The following CDH18 variants were observed in gnomAD, a reference collection of about 807,000 sequenced individuals.
CDH18 encodes the protein cadherin-18.
CDH18 carries 31 observed loss-of-function variants against 67.9 expected under a neutral mutation model. That is an observed-to-expected ratio of 0.46 (90% CI 0.34 to 0.62). The LOEUF is 0.62. CDH18 is among the 20% of genes least tolerant of loss of function. The pLI is 0.01. For missense variants in CDH18, 890 were observed against 975.5 expected (o/e 0.91, Z 1.17); for synonymous variants, 362 against 347.2 (o/e 1.04, Z -0.48).
At chr5:19,508,054 C>G (rs766940359) in intron 10 of CDH18, among the ~76,000 whole-genome samples, 68 of 140,222 alleles carry the variant, frequency 4.8e-4, no homozygotes, top group Non-Finnish European at 8.7e-4. Context: ...AATCGTATTT[C>G]TGAAAAAAAA....
chr5:19,832,618 A>G (rs1309919037), intron 3 of CDH18, among the ~76,000 whole-genome samples: 1 of 152,040 alleles, frequency 6.6e-6, no homozygotes, highest in East Asian at 1.9e-4. Context: ...TATGTCCTAT[A>G]TGGTATTGCT....
At chr5:19,632,699 TATTTC>T (rs1752581168) in intron 5 of CDH18, among the ~76,000 whole-genome samples, 1 of 152,236 alleles carries the variant, frequency 6.6e-6, no homozygotes, top group African/African-American at 2.4e-5. Context: ...TTTTTGCAAA[TATTTC>T]ATTTAATTAT....
At chr5:20,286,175 T>G (rs1746682023) in intron 1 of CDH18, among the ~76,000 whole-genome samples, 1 of 151,504 alleles carries the variant, frequency 6.6e-6, no homozygotes, top group East Asian at 1.9e-4. Context: ...TAAATAGGAT[T>G]TCAATGGATT....
At chr5:19,721,506 T>C in intron 4 of CDH18, 40 bp from the exon 5 acceptor site, 2 of 1,584,374 alleles carry the variant, frequency 1.3e-6, no homozygotes, top group Non-Finnish European at 1.7e-6. Context: ...TGTGATGGCA[T>C]TTAGCATATG....
intron 2 of CDH18, among the ~76,000 whole-genome samples, chr5:20,049,836 G>C (rs1267630057): frequency 1.3e-5 from 2 of 151,724 alleles, no homozygotes; most frequent in Non-Finnish European, 3.0e-5. Flanking sequence ...AAGAGAACTG[G>C]ACAGGAAGCC....
At chr5:19,824,418 C>T (rs1780202773) in intron 3 of CDH18, among the ~76,000 whole-genome samples, 1 of 152,082 alleles carries the variant, frequency 6.6e-6, no homozygotes, top group Non-Finnish European at 1.5e-5. Context: ...TCGAGAGCTC[C>T]TAGGGGATTC....
At chr5:20,447,959 T>C (rs982647533) in intron 1 of CDH18, among the ~76,000 whole-genome samples, 1 of 152,116 alleles carries the variant, frequency 6.6e-6, no homozygotes, top group African/African-American at 2.4e-5. Flanking sequence ...ACGTGCAGGT[T>C]TGTTACATAT....
intron 2 of CDH18, among the ~76,000 whole-genome samples, chr5:20,241,147 T>C (rs4866175): frequency 0.12 from 18,605 of 152,202 alleles, 1,526 homozygotes; most frequent in African/African-American, 0.23. Flanking sequence ...AAGTGTCTTA[T>C]TTATGGAATT....
intron 5 of CDH18, among the ~76,000 whole-genome samples, chr5:19,717,779 T>C (rs59277639): frequency 0.21 from 31,528 of 151,934 alleles, 3,791 homozygotes; most frequent in Non-Finnish European, 0.26. Flanking sequence ...GATAGTAAAA[T>C]GTTTTCTTTA....
chr5:19,923,398 T>G (rs900558380), intron 2 of CDH18, among the ~76,000 whole-genome samples: 2 of 152,180 alleles, frequency 1.3e-5, no homozygotes, highest in African/African-American at 2.4e-5. Flanking sequence ...AAATAAAAGT[T>G]GTTGCTTGAT....
intron 5 of CDH18, among the ~76,000 whole-genome samples, chr5:19,632,997 G>T (rs1327643688): frequency 6.6e-6 from 1 of 152,182 alleles, no homozygotes; most frequent in African/African-American, 2.4e-5. Context: ...CAGTGTGGTG[G>T]TGTGAGTAGT....
At chr5:20,508,323 T>TTTTATA (rs1754777257) in intron 1 of CDH18, among the ~76,000 whole-genome samples, 1 of 111,186 alleles carries the variant, frequency 9.0e-6, no homozygotes, top group Admixed American at 1.0e-4. Flanking sequence ...ATGACTATGA[T>TTTTATA]TATATATATA....
chr5:19,925,598 C>A (rs1296033193), intron 2 of CDH18, among the ~76,000 whole-genome samples: 2 of 151,980 alleles, frequency 1.3e-5, no homozygotes, highest in Non-Finnish European at 2.9e-5. Flanking sequence ...AAGCGATTCT[C>A]TGCCTCAGCC....
intron 1 of CDH18, among the ~76,000 whole-genome samples, chr5:20,420,211 T>A (rs1747754236): frequency 6.6e-6 from 1 of 151,230 alleles, no homozygotes. Flanking sequence ...ACAGCCTTGT[T>A]AATACGCCAA....
intron 1 of CDH18, among the ~76,000 whole-genome samples, chr5:20,476,241 AG>A (rs1752433428): frequency 6.6e-6 from 1 of 152,158 alleles, no homozygotes; most frequent in African/African-American, 2.4e-5. Flanking sequence ...AGGCAAGGCC[AG>A]TGACTAATCT....
intron 1 of CDH18, among the ~76,000 whole-genome samples, chr5:20,477,378 G>A (rs2150249124): frequency 6.6e-6 from 1 of 152,250 alleles, no homozygotes; most frequent in African/African-American, 2.4e-5. Flanking sequence ...ACCAAGGAAG[G>A]GGGAACTGAA....
chr5:20,208,534 G>A (rs1308914355), intron 2 of CDH18, among the ~76,000 whole-genome samples: 1 of 151,980 alleles, frequency 6.6e-6, no homozygotes, highest in Non-Finnish European at 1.5e-5. Context: ...AACACTAAAT[G>A]TAGACTCTGA....
chr5:20,451,717 TGG>T (rs1750466270), intron 1 of CDH18, among the ~76,000 whole-genome samples: 1 of 152,184 alleles, frequency 6.6e-6, no homozygotes, highest in South Asian at 2.1e-4. Context: ...ATTTTGATTT[TGG>T]TAAGTTCATA....
chr5:19,676,683 C>G (rs765875895), intron 5 of CDH18, among the ~76,000 whole-genome samples: 1 of 151,900 alleles, frequency 6.6e-6, no homozygotes, highest in African/African-American at 2.4e-5. Flanking sequence ...AGCAATCCAC[C>G]GGGAAAGTGA....
Sources: allele counts gnomAD v4.1 joint callset (sites outside exome capture counted in the v4.1 genomes callset), GRCh38; gene constraint gnomAD v4.1.1; transcripts MANE v1.5; gene names NCBI Gene and HGNC (gene_info 2026-07-23, HGNC 2026-07-21).